EPHX1: variants seen among roughly 807,000 people sequenced by gnomAD.
EPHX1 encodes the protein epoxide hydratase.
EPHX1 carries 40 observed loss-of-function variants against 43.2 expected under a neutral mutation model. That is an observed-to-expected ratio of 0.93 (90% CI 0.72 to 1.21). The LOEUF (loss-of-function observed/expected upper bound fraction) is 1.21. Ranked by LOEUF, EPHX1 falls within the 50% of genes most tolerant of loss-of-function variation. The pLI is 0.00. For synonymous variants in EPHX1, 221 were observed against 226.7 expected (o/e 0.98, Z 0.22); for missense variants, 550 against 570.4 (o/e 0.96, Z 0.36).
intron 2 of EPHX1, 44 bp downstream of exon 2, chr1:225,828,956 G>A (rs1667421149): frequency 3.2e-6 from 5 of 1,550,674 alleles, no homozygotes; most frequent in Non-Finnish European, 4.4e-6. Flanking sequence ...TGGAGAGGGT[G>A]GTGTGTCGAA....
chr1:225,813,136 G>C (rs1480971095), intron 1 of EPHX1, among the ~76,000 whole-genome samples: 1 of 152,212 alleles, frequency 6.6e-6, no homozygotes, highest in Admixed American at 6.5e-5. Context: ...GGAATGTGTA[G>C]GAGGGAAACA....
chr1:225,837,708 C>T (rs1039405534), intron 3 of EPHX1, among the ~76,000 whole-genome samples: 16 of 152,030 alleles, frequency 1.1e-4, no homozygotes, highest in African/African-American at 3.1e-4. Flanking sequence ...TTAGTAGAGA[C>T]GGGGTTTCAC....
chr1:225,836,491 G>A lies in EPHX1; in HGVS notation c.365-2163G>A, dbSNP rs56314799. 8.4e-3 allele frequency among the ~76,000 whole-genome samples: 1,286 copies of A among 152,298 alleles called. 9 individuals carry two copies. Among genetic ancestry groups the A allele is most frequent in the Non-Finnish European group, 0.015 (992 of 68,028 alleles). The stretch of plus-strand genomic sequence containing the variant: ...TGCCCACCTGTAGTCCCAGCTACTT[G>A]AGAGGCTGAGGTGGGAGGATCACTT... On this transcript the variant is annotated intron_variant, in intron 3 of 8. Transcript: ENST00000272167.
chr1:225,827,919 G>A (rs112201930), intron 1 of EPHX1, among the ~76,000 whole-genome samples: 1 of 3,972 alleles, frequency 2.5e-4, no homozygotes, highest in Non-Finnish European at 4.1e-4. Flanking sequence ...CCATTACCCC[G>A]TCTGCCCTGA....
At chr1:225,831,203 G>A (rs370398824) in intron 2 of EPHX1, among the ~76,000 whole-genome samples, 4 of 152,274 alleles carry the variant, frequency 2.6e-5, no homozygotes, top group South Asian at 4.1e-4. Context: ...GCCGACTCCC[G>A]CTGTAGAGAC....
At chr1:225,845,093 C>T (rs577513132) in intron 8 of EPHX1, 53 bp from the exon 9 acceptor site, 26 of 1,593,002 alleles carry the variant, frequency 1.6e-5, no homozygotes, top group East Asian at 2.2e-5. Flanking sequence ...CTGTGCAGGA[C>T]GGAGGGGCGC....
chr1:225,844,269 G>C (rs182435995), intron 7 of EPHX1, among the ~76,000 whole-genome samples: 9 of 151,810 alleles, frequency 5.9e-5, no homozygotes, highest in East Asian at 1.9e-4. Flanking sequence ...CAAGGTGGGT[G>C]GGGGGAGGAC....
In EPHX1 at chr1:225,815,469, T is replaced by C. The variant is rs112030016; in HGVS notation, c.-6+5300T>C. Among the ~76,000 whole-genome samples the C allele has an allele frequency of 2.7e-5, 4 of 148,080 alleles. 1 individual carries two copies. The highest frequency in any genetic ancestry group is 1.0e-4 in the African/African-American group (4 of 39,848). ...GGTTTCACTGTGTTGCCCAGGCTGGTCTTGAACTCCTGGGCTCAAGCGATC... is the reference window on the plus strand; with the variant it reads ...GGTTTCACTGTGTTGCCCAGGCTGGCCTTGAACTCCTGGGCTCAAGCGATC... On this transcript the variant is annotated intron_variant, in intron 1 of 8. Coordinates refer to ENST00000272167, the MANE Select transcript of EPHX1 (RefSeq NM_001136018.4).
chr1:225,824,568 C>T (rs542644334), intron 1 of EPHX1, among the ~76,000 whole-genome samples: 16 of 152,248 alleles, frequency 1.1e-4, no homozygotes, highest in Non-Finnish European at 2.4e-4. Flanking sequence ...AGGCTGCCAT[C>T]AGGCCTCCGA....
intron 7 of EPHX1, among the ~76,000 whole-genome samples, chr1:225,843,408 A>G (rs1454145357): frequency 6.6e-6 from 1 of 152,210 alleles, no homozygotes; most frequent in Non-Finnish European, 1.5e-5. Flanking sequence ...CCAGATCAAA[A>G]GCAAACTCAT....
chr1:225,831,735 T>A, intron 2 of EPHX1, 44 bp from the exon 3 acceptor site: 2 of 1,601,616 alleles, frequency 1.2e-6, no homozygotes, highest in East Asian at 4.5e-5. Context: ...TTGTGCTCTG[T>A]CCTTCCCATC....
rs757438398 is a variant in EPHX1 at position 225,817,859 on chromosome 1, G to A, written c.-6+7690G>A. ...ACATGGCAAGTGCTGAGTCATGGCC[G>A]GCTAGCACTTTACTGCGATTTTAGG... On this transcript the variant is annotated intron_variant, in intron 1 of 8. Coordinates refer to ENST00000272167, the MANE Select transcript of EPHX1 (RefSeq NM_001136018.4). The surrounding 1 kb of genome is among the most constrained non-coding windows in gnomAD (Gnocchi z 5.7). Among the ~76,000 whole-genome samples the A allele has an allele frequency of 2.6e-5, 4 of 152,356 alleles. No individual in the cohort carries two copies. The highest frequency in any genetic ancestry group is 3.4e-3 in the Middle Eastern group (1 of 294).
At position 225,845,471 on chromosome 1, in the gene EPHX1, G is replaced by GCTCACCCC. The variant is rs1668896762; in HGVS notation, c.*133_*140dup. ...TCCCCTGCCCATGCTGGGAGCCCAC[G>GCTCACCCC]CTCACCCCCTCACCCCTCCAAGCTC... On this transcript the variant is annotated 3_prime_UTR_variant, in exon 9 of 9. Coordinates refer to ENST00000272167, the MANE Select transcript of EPHX1 (RefSeq NM_001136018.4). 1.0e-6 allele frequency: 1 copy of GCTCACCCC among 990,010 alleles called. No individual in the cohort carries two copies. The highest frequency in any genetic ancestry group is 2.1e-5 in the Admixed American group (1 of 47,808). The allele number at this position is 990,010 out of a possible 1,614,324, so 61.3% of individuals were successfully genotyped here.
chr1:225,812,689 C>G (rs193014857), intron 1 of EPHX1, among the ~76,000 whole-genome samples: 1 of 152,210 alleles, frequency 6.6e-6, no homozygotes, highest in African/African-American at 2.4e-5. Flanking sequence ...TACCGAGATT[C>G]ATTTCTCAGT....
chr1:225,845,377 CCCCCA>C lies in EPHX1; in HGVS notation c.*32_*36del. 6.5e-7 allele frequency: 1 copy of C among 1,546,102 alleles called. No individual in the cohort carries two copies. Among genetic ancestry groups the C allele is most frequent in the Middle Eastern group, 2.3e-4 (1 of 4,364 alleles). On this transcript the variant is annotated 3_prime_UTR_variant, in exon 9 of 9. Coordinates refer to ENST00000272167, the MANE Select transcript of EPHX1 (RefSeq NM_001136018.4). The stretch of plus-strand genomic sequence containing the variant: ...CCCCTCTCCCCCCGCCTGCCACCTC[CCCCCA>C]CAAGTGCCCTCCAGGCTTTTCTTGG...
intron 1 of EPHX1, among the ~76,000 whole-genome samples, chr1:225,827,814 G>A (rs1667326172): frequency 6.6e-6 from 1 of 152,212 alleles, no homozygotes; most frequent in South Asian, 2.1e-4. Context: ...TTTCAATAAA[G>A]CTCTTACACA....
At position 225,839,366 on chromosome 1, in the gene EPHX1, G is replaced by GTGTGTGTGT. The variant is rs1553485988; in HGVS notation, c.722+20_722+21insTGTGTGTGT. ...GCCCAGGTGAGGTCACTGTTGGGGTGGTGTGTGTGTGTGTGTGTGTGTGTG... is the reference window on the plus strand; with the variant it reads ...GCCCAGGTGAGGTCACTGTTGGGGTGTGTGTGTGTGTGTGTGTGTGTGTGTGTGTGTGTG... On this transcript the variant is annotated intron_variant, in intron 5 of 8. Coordinates refer to ENST00000272167, the MANE Select transcript of EPHX1 (RefSeq NM_001136018.4). 7.6e-7 allele frequency: 1 copy of GTGTGTGTGT among 1,313,914 alleles called. No individual in the cohort carries two copies. The highest frequency in any genetic ancestry group is 1.5e-5 in the African/African-American group (1 of 65,020). The allele number at this position is 1,313,914 out of a possible 1,614,324, so 81.4% of individuals were successfully genotyped here. A position where few individuals can be genotyped will look rare whatever the true frequency, so the allele number is the denominator to read the frequency against.
intron 7 of EPHX1, among the ~76,000 whole-genome samples, chr1:225,842,820 G>A (rs1336878632): frequency 6.6e-6 from 1 of 152,220 alleles, no homozygotes; most frequent in African/African-American, 2.4e-5. Flanking sequence ...ATTCCCTGGA[G>A]AGCCTGGCAT....
intron 3 of EPHX1, among the ~76,000 whole-genome samples, chr1:225,833,328 TA>T (rs1381748485): frequency 1.3e-5 from 2 of 152,130 alleles, no homozygotes; most frequent in Non-Finnish European, 2.9e-5. Context: ...CTAAAGTTCC[TA>T]AAAAAAGGAA....
Sources: allele counts gnomAD v4.1 joint callset (sites outside exome capture counted in the v4.1 genomes callset), GRCh38; gene constraint gnomAD v4.1.1; non-coding constraint Gnocchi (gnomAD v3.1); transcripts MANE v1.5; gene names NCBI Gene and HGNC (gene_info 2026-07-23, HGNC 2026-07-21).